TTC3: variants seen among roughly 807,000 people sequenced by gnomAD.
TTC3 encodes the protein E3 ubiquitin-protein ligase TTC3.
Under a neutral mutation model 249.6 loss-of-function variants are expected in TTC3, and 180 were observed. That is an observed-to-expected ratio of 0.72 (90% CI 0.64 to 0.82). The LOEUF (loss-of-function observed/expected upper bound fraction) is 0.82. Among genes scored for constraint, TTC3 ranks in the 40% least tolerant of loss-of-function variants. TTC3 has a pLI of 0.00. For synonymous variants in TTC3, 717 were observed against 805.0 expected, an observed-to-expected ratio of 0.89 and a Z score of 1.85; for missense variants, 2,061 against 2,398.4, an observed-to-expected ratio of 0.86 and a Z score of 2.94.
chr21:37,143,043 A>G (rs567025924), intron 20 of TTC3, among the ~76,000 whole-genome samples: 46 of 152,242 alleles, frequency 3.0e-4, no homozygotes, highest in Non-Finnish European at 4.4e-4. Flanking sequence ...GGCTAGCCAT[A>G]TGTAGAAAGC....
At chr21:37,075,992 A>G (rs1288991959) in intron 1 of TTC3, among the ~76,000 whole-genome samples, 1 of 152,258 alleles carries the variant, frequency 6.6e-6, no homozygotes, top group Non-Finnish European at 1.5e-5. Flanking sequence ...GCAGAACAAT[A>G]AAATGAACAC....
At chr21:37,119,457 T>G (rs77377556) in intron 11 of TTC3, among the ~76,000 whole-genome samples, 1 of 152,128 alleles carries the variant, frequency 6.6e-6, no homozygotes, top group Non-Finnish European at 1.5e-5. Flanking sequence ...CCCCCAGGGA[T>G]GTGCTGATCA....
rs376562628 is a variant in TTC3, at chr21:37,192,491, T to TTTTGTGTGTGTGTG, written c.5217+279_5217+280insTTGTGTGTGTGTGT. On this transcript the variant is annotated intron_variant, in intron 41 of 45. Transcript: ENST00000355666. Reference sequence around the variant, plus strand: ...ATGTTCCTTGGCCTGTCTTCTATCTTTGTGTGTGTGTGTGTGTGTGTGTGT... The same window carrying TTTTGTGTGTGTGTG: ...ATGTTCCTTGGCCTGTCTTCTATCTTTTTGTGTGTGTGTGTGTGTGTGTGTGTGTGTGTGTGTGT... Among the ~76,000 whole-genome samples, 4 of 140,690 alleles carry TTTTGTGTGTGTGTG rather than the reference T, an allele frequency of 2.8e-5. No homozygotes were observed. The East Asian group carries it at 8.4e-4, about 29-fold the overall frequency. The allele number at this position is 140,690 out of a possible 152,430, so 92.3% of individuals were successfully genotyped here. A position where few individuals can be genotyped will look rare whatever the true frequency, so the allele number is the denominator to read the frequency against.
At chr21:37,168,057 A>G (rs939360932) in intron 34 of TTC3, among the ~76,000 whole-genome samples, 3 of 152,118 alleles carry the variant, frequency 2.0e-5, no homozygotes, top group Non-Finnish European at 2.9e-5. Context: ...TAGAAAACCT[A>G]CTAATATAAT....
chr21:37,111,107 T>A (rs7278080), intron 11 of TTC3, among the ~76,000 whole-genome samples: 69,165 of 151,314 alleles, frequency 0.46, 16,278 homozygotes, highest in Non-Finnish European at 0.52. Context: ...AACATGCCAA[T>A]TTGTAAAGAC....
At chr21:37,126,265 T>C in intron 15 of TTC3, 122 bp downstream of exon 15, 1 of 649,224 alleles carries the variant, frequency 1.5e-6, no homozygotes, top group East Asian at 2.9e-5. Flanking sequence ...TTTATAATGC[T>C]TCTATGTTAA....
intron 1 of TTC3, among the ~76,000 whole-genome samples, chr21:37,078,703 C>A (rs2071225665): frequency 1.3e-5 from 2 of 151,892 alleles, no homozygotes; most frequent in African/African-American, 4.8e-5. Context: ...TTCTGAAATT[C>A]CTTTGTGTTT....
intron 1 of TTC3, chr21:37,082,510 C>T: frequency 1.0e-6 from 1 of 985,308 alleles, no homozygotes; most frequent in Non-Finnish European, 1.2e-6. Flanking sequence ...GAAAGTTTAG[C>T]TGGCATCACT....
intron 10 of TTC3, among the ~76,000 whole-genome samples, chr21:37,104,695 TGG>T (rs2074905713): frequency 6.6e-6 from 1 of 151,758 alleles, no homozygotes; most frequent in Non-Finnish European, 1.5e-5. Context: ...AGGGTTTGGA[TGG>T]GAAACATGTT....
chr21:37,191,390 T>C (rs1340643796), exon 40 of TTC3: 1 of 1,587,572 alleles, frequency 6.3e-7, no homozygotes, highest in East Asian at 2.3e-5. Flanking sequence ...GAATTGTTTC[T>C]TTCTAATGTT....
intron 20 of TTC3, among the ~76,000 whole-genome samples, chr21:37,143,705 A>G (rs984426199): frequency 3.3e-5 from 5 of 150,934 alleles, no homozygotes; most frequent in Non-Finnish European, 7.4e-5. Flanking sequence ...GGGATCTCGA[A>G]CTAGAAATAC....
At chr21:37,201,381 G>A (rs927334629) in intron 45 of TTC3, 59 bp from the exon 46 acceptor site, 1 of 1,609,730 alleles carries the variant, frequency 6.2e-7, no homozygotes, top group Non-Finnish European at 8.5e-7. Context: ...GCAGCACAGG[G>A]GAGCTAAGCT....
chr21:37,088,970 T>G, intron 5 of TTC3, 84 bp downstream of exon 5: 2 of 1,198,488 alleles, frequency 1.7e-6, no homozygotes, highest in Non-Finnish European at 2.4e-6. Context: ...AATGACTAAT[T>G]TATAGCAATT....
Position 37,087,412 on chromosome 21 carries a change from T to C in TTC3, c.144+11T>C. On this transcript the variant is annotated intron_variant, in intron 2 of 45. Transcript: ENST00000355666. ...TACTGTGATGGGGTGGTAAGTAGGT[T>C]TGCTAATTTTTCATTTTTGACATTG... 5 of 1,612,790 alleles carry C rather than the reference T, an allele frequency of 3.1e-6. No homozygotes were observed. The highest frequency in any genetic ancestry group is 3.4e-6 in the Non-Finnish European group (4 of 1,179,358).
intron 35 of TTC3, among the ~76,000 whole-genome samples, chr21:37,175,263 C>CAAAA (rs58424565): frequency 3.7e-5 from 2 of 54,010 alleles, no homozygotes; most frequent in Non-Finnish European, 7.3e-5. Flanking sequence ...GACTGTGTCT[C>CAAAA]AAAAAAAAAA....
chr21:37,120,233 A>G (rs1207461708), intron 11 of TTC3, among the ~76,000 whole-genome samples: 1 of 152,034 alleles, frequency 6.6e-6, no homozygotes, highest in African/African-American at 2.4e-5. Flanking sequence ...TAGTGAAAAG[A>G]CCTTTTTATT....
chr21:37,110,581 T>C (rs1156634268), intron 11 of TTC3, among the ~76,000 whole-genome samples: 2 of 152,202 alleles, frequency 1.3e-5, no homozygotes, highest in Middle Eastern at 3.2e-3. Flanking sequence ...CTACGTCTAA[T>C]TGGTGTACCT....
Position 37,102,714 on chromosome 21 carries a change from A to C in TTC3, c.846-5678A>C, listed in dbSNP as rs1601430778. ...CTGGTGTTTTAGATTCCAAAGAGTA[A>C]GGCCAGGTGCAGTGGCTCGTGCCTG... On this transcript the variant is annotated intron_variant, in intron 10 of 45. Transcript: ENST00000355666. 2.6e-5 allele frequency among the ~76,000 whole-genome samples: 4 copies of C among 152,326 alleles called. No individual in the cohort carries two copies. In the South Asian group the frequency reaches 8.3e-4, roughly 32 times the overall value.
At chr21:37,101,032 A>G (rs896286469) in intron 10 of TTC3, 2 of 152,222 alleles carry the variant, frequency 1.3e-5, no homozygotes, top group African/African-American at 4.8e-5. Context: ...CTCGTGGAAA[A>G]TTCAGATTCT....
Sources: allele counts gnomAD v4.1 joint callset (sites outside exome capture counted in the v4.1 genomes callset), GRCh38; gene constraint gnomAD v4.1.1; transcripts MANE v1.5; gene names NCBI Gene and HGNC (gene_info 2026-07-23, HGNC 2026-07-21).